Variants in MARK2 observed in about 807,000 individuals in gnomAD.
The protein encoded by MARK2 is microtubule affinity regulating kinase 2, also known as serine/threonine-protein kinase MARK2.
A neutral mutation model predicts 89.8 loss-of-function variants in MARK2; 16 were observed. The observed-to-expected ratio is 0.18, with a 90% CI of 0.12 to 0.27. MARK2 has a LOEUF of 0.27. Among genes scored for constraint, MARK2 ranks in the 10% least tolerant of loss-of-function variants. MARK2 has a pLI of 1.00. For missense variants in MARK2, 621 were observed against 1,049.9 expected, an observed-to-expected ratio of 0.59 and a Z score of 5.65; for synonymous variants, 382 against 399.5, an observed-to-expected ratio of 0.96 and a Z score of 0.52.
chr11:63,904,541 C>G lies in MARK2; in HGVS notation c.1677-245C>G, dbSNP rs559283393. On this transcript the variant is annotated intron_variant, in intron 15 of 18. Coordinates refer to ENST00000402010, the MANE Select transcript of MARK2 (RefSeq NM_001039469.3). This position sits in a 1 kb window ranked among gnomAD's most constrained non-coding sequence, Gnocchi z 6.3. ...GGAGCCCGCTGTCTCCAGCCTAAACCACACTCCACACAGGGGTCCTTCCTT... is the reference window on the plus strand; with the variant it reads ...GGAGCCCGCTGTCTCCAGCCTAAACGACACTCCACACAGGGGTCCTTCCTT... Among the ~76,000 whole-genome samples, 3 of 152,228 alleles carry G rather than the reference C, an allele frequency of 2.0e-5. No homozygotes were observed. Among genetic ancestry groups the G allele is most frequent in the South Asian group, 2.1e-4 (1 of 4,824 alleles).
At chr11:63,849,970 G>T (rs2016483196) in intron 1 of MARK2, 1 of 152,192 alleles carries the variant, frequency 6.6e-6, no homozygotes, top group Non-Finnish European at 1.5e-5. Context: ...AATGATCATT[G>T]TCATTATTGT....
At chr11:63,842,497 C>T (rs371559431) in intron 1 of MARK2, among the ~76,000 whole-genome samples, 1 of 152,050 alleles carries the variant, frequency 6.6e-6, no homozygotes, top group African/African-American at 2.4e-5. Flanking sequence ...TGAGCCACTG[C>T]GCCGGGCCTG....
rs775245838 is a variant in MARK2, at chr11:63,870,997, A to G, written c.55-24162A>G. ...AGGGGAGACAGCCAGCTCATAATACAGTGTGGGCAAAAATCCAGAAACCAT... is the reference window on the plus strand; with the variant it reads ...AGGGGAGACAGCCAGCTCATAATACGGTGTGGGCAAAAATCCAGAAACCAT... On this transcript the variant is annotated intron_variant, in intron 1 of 18. Transcript: ENST00000402010. 5.9e-4 allele frequency among the ~76,000 whole-genome samples: 90 copies of G among 152,312 alleles called. 2 individuals are homozygous for G. Among genetic ancestry groups the G allele is most frequent in the Admixed American group, 5.8e-3 (89 of 15,306 alleles).
chr11:63,849,449 A>G (rs762628894), intron 1 of MARK2, among the ~76,000 whole-genome samples: 5 of 152,122 alleles, frequency 3.3e-5, no homozygotes, highest in Non-Finnish European at 5.9e-5. Context: ...TGGTTCCACT[A>G]TGGTTAAGAG....
Position 63,871,112 on chromosome 11 carries a change from A to G in MARK2, c.55-24047A>G, listed in dbSNP as rs150836323. On this transcript the variant is annotated intron_variant, in intron 1 of 18. Transcript: ENST00000402010. ...ATCAGTTATGTTTGTGTGTGTGTAT[A>G]TGCATATTTGTGTGTGTGTGTACGT... 2.0e-3 allele frequency among the ~76,000 whole-genome samples: 298 copies of G among 152,286 alleles called. 1 individual carries two copies. Among genetic ancestry groups the G allele is most frequent in the African/African-American group, 7.0e-3 (289 of 41,568 alleles).
At chr11:63,870,071 A>G (rs550216927) in intron 1 of MARK2, among the ~76,000 whole-genome samples, 1 of 152,300 alleles carries the variant, frequency 6.6e-6, no homozygotes, top group Admixed American at 6.5e-5. Flanking sequence ...CCCCATTGCC[A>G]TCACTTCAGA....
intron 17 of MARK2, 121 bp from the exon 18 acceptor site, chr11:63,908,139 T>C: frequency 2.4e-6 from 2 of 837,634 alleles, no homozygotes; most frequent in South Asian, 3.1e-5. Context: ...CAGAGGGCCC[T>C]GGGCTTGGGT....
intron 1 of MARK2, among the ~76,000 whole-genome samples, chr11:63,890,037 T>A (rs1289478701): frequency 6.6e-6 from 1 of 152,182 alleles, no homozygotes. Context: ...AGCTGAATGG[T>A]GCAGCCAGAA....
In MARK2 at chr11:63,876,706, G is replaced by C. The variant is rs1255666663; in HGVS notation, c.55-18453G>C. Among the ~76,000 whole-genome samples, 3 of 111,806 alleles carry C rather than the reference G, an allele frequency of 2.7e-5. No individual in the cohort carries two copies. The Admixed American group carries it at 3.5e-4, about 13-fold the overall frequency. 73.3% of individuals were successfully genotyped at this position (111,806 alleles called of 152,430 possible). ...TTGGGTAGGAGCTGTATTCCTCTTGGAGCCATCTTTTCTTCCCTGCCATCT... is the reference window on the plus strand; with the variant it reads ...TTGGGTAGGAGCTGTATTCCTCTTGCAGCCATCTTTTCTTCCCTGCCATCT... On this transcript the variant is annotated intron_variant, in intron 1 of 18. Coordinates refer to ENST00000402010, the MANE Select transcript of MARK2 (RefSeq NM_001039469.3).
chr11:63,899,686 T>C (rs1590683177), intron 7 of MARK2, among the ~76,000 whole-genome samples, 188 bp from the exon 8 acceptor site: 1 of 151,996 alleles, frequency 6.6e-6, no homozygotes, highest in Non-Finnish European at 1.5e-5. Context: ...ACGTGAGGAG[T>C]GGCCTGCATT....
chr11:63,869,785 G>A (rs953005530), intron 1 of MARK2, among the ~76,000 whole-genome samples: 1 of 152,212 alleles, frequency 6.6e-6, no homozygotes, highest in Non-Finnish European at 1.5e-5. Flanking sequence ...TAGGCAGGTT[G>A]TCTTGACATA....
intron 1 of MARK2, among the ~76,000 whole-genome samples, chr11:63,886,718 C>T (rs1939422612): frequency 6.6e-6 from 1 of 152,230 alleles, no homozygotes; most frequent in South Asian, 2.1e-4. Flanking sequence ...GGCCACCATG[C>T]TTGGCCCCCA....
intron 1 of MARK2, among the ~76,000 whole-genome samples, chr11:63,842,373 C>G (rs911323316): frequency 6.6e-6 from 1 of 152,104 alleles, no homozygotes; most frequent in African/African-American, 2.4e-5. Flanking sequence ...CACACCGCCA[C>G]GCCCGGCTAA....
At position 63,895,916 on chromosome 11, in the gene MARK2, C is replaced by T. The variant is rs559511779; in HGVS notation, c.288+283C>T. Reference sequence around the variant, plus strand: ...AACTCCTGACCTCAAGTGATCCGCTCGCCTCGGCCTCCCAAAGTGCTAGGA... The same window carrying T: ...AACTCCTGACCTCAAGTGATCCGCTTGCCTCGGCCTCCCAAAGTGCTAGGA... On this transcript the variant is annotated intron_variant, in intron 3 of 18. Transcript: ENST00000402010. Among the ~76,000 whole-genome samples the T allele has an allele frequency of 8.5e-5, 13 of 152,128 alleles. No individual in the cohort carries two copies. In the South Asian group the frequency reaches 2.5e-3, roughly 29 times the overall value.
intron 1 of MARK2, chr11:63,868,900 C>T (rs1311169540): frequency 2.2e-6 from 1 of 455,796 alleles, no homozygotes; most frequent in East Asian, 6.9e-5. Context: ...CAGCTCAGCG[C>T]CTGATGATGG....
chr11:63,866,787 T>C (rs1230241307), intron 1 of MARK2, among the ~76,000 whole-genome samples: 1 of 152,240 alleles, frequency 6.6e-6, no homozygotes, highest in Non-Finnish European at 1.5e-5. Context: ...GCTTTTCCCA[T>C]TTAAGATAGG....
Position 63,902,261 on chromosome 11 carries a change from C to T in MARK2, c.1165C>T (p.Pro389Ser), listed in dbSNP as rs769404912. 2.5e-6 allele frequency: 4 copies of T among 1,614,130 alleles called. No individual in the cohort carries two copies. The highest frequency in any genetic ancestry group is 3.4e-6 in the Non-Finnish European group (4 of 1,180,010). Residue 389 changes from proline to serine, a missense_variant, in exon 12 of 19, where the codon CCA (proline) becomes TCA (serine). Around this residue, in one of 5 missense-constraint regions of MARK2, gnomAD observed 397 missense variants for 567.8 expected, o/e 0.70. Transcript: ENST00000402010. The surrounding 1 kb of genome is among the most constrained non-coding windows in gnomAD (Gnocchi z 4.2). Reference sequence around the variant, plus strand: ...AGCTGATCTGACCAATAGCAGCGCCCCATCCCCATCCCACAAGGTACAGCG... The same window carrying T: ...AGCTGATCTGACCAATAGCAGCGCCTCATCCCCATCCCACAAGGTACAGCG... ...PSADLTNSSA[P>S]SPSHKVQRSV...
At chr11:63,886,778 T>C (rs1389063656) in intron 1 of MARK2, among the ~76,000 whole-genome samples, 1 of 152,220 alleles carries the variant, frequency 6.6e-6, no homozygotes, top group South Asian at 2.1e-4. Flanking sequence ...CTTTTCTGTT[T>C]GTAGTCAGTG....
chr11:63,868,513 T>C (rs1438599424), intron 1 of MARK2: 3 of 308,220 alleles, frequency 9.7e-6, no homozygotes, highest in Non-Finnish European at 2.0e-5. Flanking sequence ...GAAGTGCTTT[T>C]TCAGGATGAG....
Sources: gnomAD v4.1 joint callset for allele counts (sites outside exome capture counted in the v4.1 genomes callset) on GRCh38, gnomAD v4.1.1 for gene constraint, gnomAD v4.1.1 regional missense constraint, Gnocchi (gnomAD v3.1) non-coding constraint, MANE v1.5 for transcripts, NCBI Gene and HGNC (gene_info 2026-07-23, HGNC 2026-07-21) for gene names.